The following RANBP2 variants were observed in gnomAD, a reference collection of about 807,000 sequenced individuals.
RANBP2 encodes E3 SUMO-protein ligase RanBP2.
Under a neutral mutation model 303.6 loss-of-function variants are expected in RANBP2, and 57 were observed. The observed-to-expected ratio is 0.19, with a 90% CI of 0.15 to 0.23. RANBP2 has a LOEUF of 0.23. Among genes scored for constraint, RANBP2 ranks in the 10% least tolerant of loss-of-function variants. The pLI, the probability that RANBP2 is intolerant of heterozygous loss-of-function variation, is 1.00. For synonymous variants in RANBP2, 1,167 were observed against 1,301.5 expected, an observed-to-expected ratio of 0.90 and a Z score of 2.23; for missense variants, 3,138 against 3,780.8, an observed-to-expected ratio of 0.83 and a Z score of 4.46.
Position 108,753,167 on chromosome 2 carries a change from A to T in RANBP2, c.1917+8A>T. The T allele has an allele frequency of 6.2e-7, 1 of 1,611,468 alleles. No individual in the cohort carries two copies. Among genetic ancestry groups the T allele is most frequent in the South Asian group, 1.1e-5 (1 of 90,966 alleles). On this transcript the variant is annotated splice_region_variant and intron_variant, in intron 13 of 28. Coordinates refer to ENST00000283195, the MANE Select transcript of RANBP2 (RefSeq NM_006267.5). Reference sequence around the variant, plus strand: ...CATAGTGTAGACATTCAGGTAACAGAGTTCCTTTATGAATTTATTGGAGAT... The same window carrying T: ...CATAGTGTAGACATTCAGGTAACAGTGTTCCTTTATGAATTTATTGGAGAT...
chr2:109,489,194 C>G, the RANBP2 span, among the ~76,000 whole-genome samples: 11 of 152,376 alleles, frequency 7.2e-5, no homozygotes, highest in African/African-American at 2.6e-4. Flanking sequence ...GGCACAGGCT[C>G]TGAATGCAGT....
the RANBP2 span, among the ~76,000 whole-genome samples, chr2:109,116,911 G>A: frequency 6.6e-6 from 1 of 152,218 alleles, no homozygotes; most frequent in Non-Finnish European, 1.5e-5. Flanking sequence ...GACCCTGTTT[G>A]CCTGGGTAAC....
chr2:108,978,861 C>T, the RANBP2 span, among the ~76,000 whole-genome samples: 1 of 152,136 alleles, frequency 6.6e-6, no homozygotes, highest in South Asian at 2.1e-4. Flanking sequence ...AAATTAAACC[C>T]AACAGGCAAA....
At chr2:109,467,131 C>T in the RANBP2 span, among the ~76,000 whole-genome samples, 1 of 152,234 alleles carries the variant, frequency 6.6e-6, no homozygotes, top group East Asian at 1.9e-4. Flanking sequence ...GTCACTCAGC[C>T]ATTCCACTCC....
chr2:109,569,844 G>A, the RANBP2 span, among the ~76,000 whole-genome samples: 1 of 147,342 alleles, frequency 6.8e-6, no homozygotes, highest in African/African-American at 2.6e-5. Flanking sequence ...TGTCACCAAT[G>A]GCGTAAGAGA....
the RANBP2 span, among the ~76,000 whole-genome samples, chr2:109,774,505 T>TATATATATATATATATAAA: frequency 1.9e-4 from 6 of 32,070 alleles, no homozygotes; most frequent in East Asian, 2.2e-3. Flanking sequence ...CAAACATATA[T>TATATATATATATATATAAA]ATATATATAA....
chr2:108,891,570 A>G, the RANBP2 span, among the ~76,000 whole-genome samples: 1 of 152,318 alleles, frequency 6.6e-6, no homozygotes, highest in African/African-American at 2.4e-5. Context: ...GCAATGGGCT[A>G]AGTGTGCCTG....
the RANBP2 span, among the ~76,000 whole-genome samples, chr2:108,913,882 G>A: frequency 5.3e-5 from 8 of 150,902 alleles, no homozygotes; most frequent in African/African-American, 7.3e-5. Context: ...CCCAGGAGGC[G>A]GAGCTTGCAG....
the RANBP2 span, among the ~76,000 whole-genome samples, chr2:109,226,056 A>G: frequency 6.6e-6 from 1 of 152,186 alleles, no homozygotes; most frequent in Non-Finnish European, 1.5e-5. Flanking sequence ...ACCCTGAACA[A>G]CTTATCTGCA....
chr2:109,622,753 C>T, the RANBP2 span, among the ~76,000 whole-genome samples: 15 of 152,130 alleles, frequency 9.9e-5, 1 homozygote, highest in Admixed American at 9.8e-4. Context: ...TAAACGCCAG[C>T]GTAGAAGAAA....
the RANBP2 span, among the ~76,000 whole-genome samples, chr2:109,170,260 TTCTCTTCTCTTCTCTTCTCTTC>T: frequency 3.0e-5 from 1 of 32,952 alleles, no homozygotes; most frequent in Non-Finnish European, 8.0e-5. Context: ...TTCTCTTCTC[TTCTCTTCTCTTCTCTTCTCTTC>T]TCTTCTCTTC....
chr2:109,352,274 G>C, the RANBP2 span, among the ~76,000 whole-genome samples: 1 of 152,162 alleles, frequency 6.6e-6, no homozygotes, highest in South Asian at 2.1e-4. Context: ...TTTTATGTTA[G>C]CCCAGAATAC....
At position 108,735,352 on chromosome 2, in the gene RANBP2, G is replaced by A. The variant is rs575817766; in HGVS notation, c.406-180G>A. Among the ~76,000 whole-genome samples the A allele has an allele frequency of 2.9e-3, 445 of 152,274 alleles. 2 individuals carry two copies. Among genetic ancestry groups the A allele is most frequent in the Non-Finnish European group, 4.7e-3 (320 of 68,018 alleles). On this transcript the variant is annotated intron_variant, in intron 4 of 28. Transcript: ENST00000283195. ...ATGCTTTTCTTCACATACAGTTCTT[G>A]AGGCTTAGTTTCTGGGTTGTAAGCA...
At chr2:108,919,408 G>T in the RANBP2 span, among the ~76,000 whole-genome samples, 1 of 152,108 alleles carries the variant, frequency 6.6e-6, no homozygotes, top group Non-Finnish European at 1.5e-5. Flanking sequence ...GCCCAGGCTG[G>T]AGTGCAATGG....
chr2:108,787,696 G>C (rs1012260000), downstream of RANBP2, among the ~76,000 whole-genome samples: 3 of 151,350 alleles, frequency 2.0e-5, no homozygotes, highest in Non-Finnish European at 2.9e-5. Context: ...CACAGCCTTT[G>C]TTTTCTGTAA....
intron 20 of RANBP2, among the ~76,000 whole-genome samples, chr2:108,769,043 A>G (rs1180369907): frequency 1.3e-5 from 2 of 152,192 alleles, no homozygotes; most frequent in East Asian, 1.9e-4. Flanking sequence ...CCAAAAAAAA[A>G]AAAACAACGT....
chr2:108,745,834 A>T (rs1381426107), intron 7 of RANBP2, among the ~76,000 whole-genome samples: 1 of 151,410 alleles, frequency 6.6e-6, no homozygotes, highest in African/African-American at 2.4e-5. Context: ...TAAATTTTCC[A>T]TTTCTCTGAA....
chr2:109,227,282 A>G, the RANBP2 span, among the ~76,000 whole-genome samples: 2 of 152,184 alleles, frequency 1.3e-5, no homozygotes, highest in South Asian at 4.1e-4. Flanking sequence ...AGCTAGAAGA[A>G]GCTCTGTGAA....
chr2:109,564,604 G>A, the RANBP2 span: 2 of 1,283,142 alleles, frequency 1.6e-6, no homozygotes, highest in Middle Eastern at 2.0e-4. Flanking sequence ...AGTGTTTGCT[G>A]AATGAACAAA....
Sources: allele counts gnomAD v4.1 joint callset (sites outside exome capture counted in the v4.1 genomes callset), GRCh38; gene constraint gnomAD v4.1.1; transcripts MANE v1.5; gene names NCBI Gene and HGNC (gene_info 2026-07-23, HGNC 2026-07-21).